PDE4B: variants seen among roughly 807,000 people sequenced by gnomAD.
PDE4B encodes the protein phosphodiesterase 4B, also known as 3',5'-cyclic-AMP phosphodiesterase 4B.
A neutral mutation model predicts 82.2 loss-of-function variants in PDE4B; 20 were observed. The ratio of observed to expected loss-of-function variants is 0.24; its 90% CI spans 0.17 to 0.35. The LOEUF (loss-of-function observed/expected upper bound fraction) is 0.35, where lower values mean the gene tolerates loss of function less well. Among genes scored for constraint, PDE4B ranks in the 10% least tolerant of loss-of-function variants. The pLI is 1.00. For synonymous variants in PDE4B, 320 were observed against 318.9 expected (o/e 1.00, Z -0.04); for missense variants, 655 against 907.2 (o/e 0.72, Z 3.57).
intron 7 of PDE4B, chr1:66,332,300 A>T (rs1660175941): frequency 1.3e-6 from 2 of 1,537,698 alleles, no homozygotes; most frequent in Non-Finnish European, 8.7e-7. Context: ...GGTTGGGGGG[A>T]AACTTGGCAC....
intron 3 of PDE4B, among the ~76,000 whole-genome samples, chr1:66,192,342 G>C (rs1002697393): frequency 2.6e-5 from 4 of 152,070 alleles, no homozygotes; most frequent in African/African-American, 9.7e-5. Flanking sequence ...ATAATCCCCT[G>C]TTGTCTTTTC....
intron 1 of PDE4B, among the ~76,000 whole-genome samples, chr1:65,851,145 C>G (rs548820213): frequency 7.0e-4 from 106 of 152,244 alleles, no homozygotes; most frequent in African/African-American, 2.4e-3. Context: ...TGATATGTTT[C>G]TGGATTCTCT....
chr1:66,328,711 T>C (rs183370568), intron 7 of PDE4B, among the ~76,000 whole-genome samples: 31 of 152,302 alleles, frequency 2.0e-4, no homozygotes, highest in East Asian at 1.5e-3. Flanking sequence ...GCTTCCTTTT[T>C]CCCACCTGCA....
At chr1:65,988,638 T>A (rs1651077743) in intron 3 of PDE4B, among the ~76,000 whole-genome samples, 1 of 151,974 alleles carries the variant, frequency 6.6e-6, no homozygotes, top group Non-Finnish European at 1.5e-5. Context: ...TTTAAAGATT[T>A]TTTTTTAAAA....
chr1:66,237,798 G>A (rs149233642), intron 3 of PDE4B, among the ~76,000 whole-genome samples: 11 of 152,246 alleles, frequency 7.2e-5, no homozygotes, highest in Admixed American at 2.6e-4. Flanking sequence ...TGTTTAATGC[G>A]CTCACACAGT....
intron 3 of PDE4B, among the ~76,000 whole-genome samples, chr1:66,193,753 A>G (rs942509729): frequency 1.3e-5 from 2 of 152,126 alleles, no homozygotes; most frequent in African/African-American, 4.8e-5. Flanking sequence ...TAAGGTTATT[A>G]CCTACATGGA....
At chr1:65,796,069 A>G (rs1251866110) in intron 1 of PDE4B, among the ~76,000 whole-genome samples, 2 of 152,192 alleles carry the variant, frequency 1.3e-5, no homozygotes, top group South Asian at 2.1e-4. Context: ...CCTGGTTTCA[A>G]TGAGAAATTT....
At chr1:65,976,720 T>C (rs191211696) in intron 3 of PDE4B, among the ~76,000 whole-genome samples, 56 of 152,180 alleles carry the variant, frequency 3.7e-4, no homozygotes, top group African/African-American at 1.2e-3. Context: ...TGTGTGGCAC[T>C]TCCTGCTTAT....
chr1:66,100,478 G>C (rs1272590188), intron 3 of PDE4B, among the ~76,000 whole-genome samples: 1 of 152,112 alleles, frequency 6.6e-6, no homozygotes, highest in Non-Finnish European at 1.5e-5. Context: ...ACATGTAAAT[G>C]CTTAATAAAT....
chr1:66,284,979 C>T (rs549435672), intron 7 of PDE4B, among the ~76,000 whole-genome samples: 71 of 152,150 alleles, frequency 4.7e-4, no homozygotes, highest in Non-Finnish European at 9.0e-4. Context: ...GAAAACATAA[C>T]AGAGATTGAT....
At chr1:66,361,112 A>G (rs936490097) in intron 9 of PDE4B, among the ~76,000 whole-genome samples, 1 of 152,224 alleles carries the variant, frequency 6.6e-6, no homozygotes, top group African/African-American at 2.4e-5. Context: ...TGCTAAAGCC[A>G]TATGGATTTT....
At chr1:66,122,703 C>CTTTTTTTTTTTT (rs3036785) in intron 3 of PDE4B, among the ~76,000 whole-genome samples, 3 of 111,964 alleles carry the variant, frequency 2.7e-5, no homozygotes, top group Admixed American at 1.0e-4. Flanking sequence ...CTCTTCTTTT[C>CTTTTTTTTTTTT]TTTTTTTTTT....
chr1:66,371,207 G>A (rs1646401160), intron 16 of PDE4B, among the ~76,000 whole-genome samples: 1 of 148,362 alleles, frequency 6.7e-6, no homozygotes, highest in Non-Finnish European at 1.5e-5. Context: ...TTAAATGACT[G>A]GCCAATTACC....
chr1:66,315,647 A>G (rs989012700), intron 7 of PDE4B, among the ~76,000 whole-genome samples: 7 of 151,824 alleles, frequency 4.6e-5, no homozygotes, highest in African/African-American at 1.5e-4. Flanking sequence ...TTTAATAGAG[A>G]CCGGATTTCA....
intron 1 of PDE4B, among the ~76,000 whole-genome samples, chr1:65,879,686 A>G (rs929153437): frequency 1.3e-5 from 2 of 152,196 alleles, no homozygotes; most frequent in Non-Finnish European, 2.9e-5. Context: ...CGGGAATTGT[A>G]TATCAGGCAC....
intron 3 of PDE4B, among the ~76,000 whole-genome samples, chr1:66,220,593 C>T (rs1014656886): frequency 2.0e-5 from 3 of 152,112 alleles, no homozygotes; most frequent in African/African-American, 7.2e-5. Flanking sequence ...TAAGTCATTG[C>T]TCTTTTAGGT....
chr1:65,874,381 C>T (rs1361640034), intron 1 of PDE4B, among the ~76,000 whole-genome samples: 1 of 152,158 alleles, frequency 6.6e-6, no homozygotes, highest in Admixed American at 6.5e-5. Flanking sequence ...AATTTGACTT[C>T]CTCTTTTCCT....
chr1:65,877,050 CTG>C (rs1475668133), intron 1 of PDE4B, among the ~76,000 whole-genome samples: 1 of 152,128 alleles, frequency 6.6e-6, no homozygotes, highest in Non-Finnish European at 1.5e-5. Flanking sequence ...TAGAAAAAAA[CTG>C]TTTTAAATTT....
At chr1:66,074,643 CT>C (rs1333267324) in intron 3 of PDE4B, among the ~76,000 whole-genome samples, 2 of 152,046 alleles carry the variant, frequency 1.3e-5, no homozygotes, top group African/African-American at 4.8e-5. Flanking sequence ...TCATTTCCCC[CT>C]CCCCCAGTCC....
Sources: gnomAD v4.1 joint callset for allele counts (sites outside exome capture counted in the v4.1 genomes callset) on GRCh38, gnomAD v4.1.1 for gene constraint, MANE v1.5 for transcripts, NCBI Gene and HGNC (gene_info 2026-07-23, HGNC 2026-07-21) for gene names.